CLDN14: variants seen among roughly 807,000 people sequenced by gnomAD.
CLDN14 encodes claudin-14.
CLDN14 carries 2 observed loss-of-function variants against 2.1 expected under a neutral mutation model. The observed-to-expected ratio is 0.96, with a 90% confidence interval of 0.39 to 3.01. CLDN14 has a LOEUF of 3.01. Ranked by LOEUF, CLDN14 falls within the 30% of genes most tolerant of loss-of-function variation. The pLI is 0.09. For missense variants in CLDN14, 298 were observed against 328.0 expected, an observed-to-expected ratio of 0.91 and a Z score of 0.71; for synonymous variants, 136 against 154.4, an observed-to-expected ratio of 0.88 and a Z score of 0.88.
intron 1 of CLDN14, among the ~76,000 whole-genome samples, chr21:36,527,092 C>A (rs2146498160): frequency 6.6e-6 from 1 of 152,346 alleles, no homozygotes; most frequent in South Asian, 2.1e-4. Flanking sequence ...TGAAGATTCA[C>A]AATAAATAGG....
At chr21:36,484,543 C>T (rs1206415350), upstream of CLDN14, among the ~76,000 whole-genome samples, 1 of 152,180 alleles carries the variant, frequency 6.6e-6, no homozygotes, top group Non-Finnish European at 1.5e-5. Context: ...TGGCCTCCTC[C>T]AGCTTCTGGT....
intron 2 of CLDN14, chr21:36,486,508 A>T (rs1438298437): frequency 1.3e-6 from 2 of 1,565,036 alleles, no homozygotes; most frequent in East Asian, 4.5e-5. Context: ...TGGCACCGAG[A>T]CCCAGCATGG....
In CLDN14 at chr21:36,518,464, A is replaced by T. The variant is rs556720237; in HGVS notation, c.-219-7964T>A. Among the ~76,000 whole-genome samples the T allele has an allele frequency of 3.3e-5, 5 of 151,974 alleles. No individual in the cohort carries two copies. The South Asian group carries it at 8.3e-4, about 25-fold the overall frequency. ...AAAATACAAAAATTAGCCAGGCATG[A>T]TGGCAGGTGCCTGTAATCCCAGCTA... On this transcript the variant is annotated intron_variant, in intron 1 of 2. Coordinates refer to the CLDN14 transcript ENST00000342108.
At chr21:36,568,264 A>G (rs1221831364) in intron 1 of CLDN14, among the ~76,000 whole-genome samples, 2 of 152,200 alleles carry the variant, frequency 1.3e-5, no homozygotes, top group Non-Finnish European at 2.9e-5. Flanking sequence ...TGTGACCTAC[A>G]TGGGATGCCC....
In CLDN14 at chr21:36,499,906, G is replaced by A. The variant is rs560733306; in HGVS notation, c.-82+10457C>T. Among the ~76,000 whole-genome samples the A allele has an allele frequency of 5.8e-4, 88 of 152,152 alleles. No individual in the cohort carries two copies. The highest frequency in any genetic ancestry group is 1.2e-3 in the East Asian group (6 of 5,176). On this transcript the variant is annotated intron_variant, in intron 2 of 2. Transcript: ENST00000342108. The surrounding 1 kb of genome is among the most constrained non-coding windows in gnomAD (Gnocchi z 4.7). ...TGGTGGAGAAAATCGGGGGGTCTCC[G>A]GAGCAACCCCGGGAGCAGTACTGGG...
At chr21:36,567,090 C>G (rs566801623) in intron 1 of CLDN14, among the ~76,000 whole-genome samples, 2 of 152,214 alleles carry the variant, frequency 1.3e-5, no homozygotes, top group African/African-American at 4.8e-5. Context: ...GCATCAAGTA[C>G]GTAATACCTC....
chr21:36,478,550 C>G (rs1277916766), intron 1 of CLDN14, among the ~76,000 whole-genome samples: 2 of 152,250 alleles, frequency 1.3e-5, no homozygotes, highest in Non-Finnish European at 1.5e-5. Flanking sequence ...GTCCCCAACT[C>G]CAGTGAGTGA....
intron 1 of CLDN14, among the ~76,000 whole-genome samples, chr21:36,549,629 A>G (rs968692040): frequency 3.3e-5 from 5 of 152,232 alleles, no homozygotes; most frequent in African/African-American, 1.2e-4. Context: ...AGGCTCAGCC[A>G]GAGAGCAGCA....
At chr21:36,535,724 A>AAAAAT (rs2087418851) in intron 1 of CLDN14, among the ~76,000 whole-genome samples, 1 of 152,164 alleles carries the variant, frequency 6.6e-6, no homozygotes, top group African/African-American at 2.4e-5. Flanking sequence ...GAGTGGTGAG[A>AAAAAT]TCATGGGGAA....
chr21:36,550,100 C>G (rs1367220827), intron 1 of CLDN14, among the ~76,000 whole-genome samples: 2 of 152,156 alleles, frequency 1.3e-5, no homozygotes, highest in Admixed American at 1.3e-4. Flanking sequence ...TTGAAGGCTG[C>G]CTTTTAGAAT....
chr21:36,502,011 C>T (rs2087096009), intron 2 of CLDN14, among the ~76,000 whole-genome samples: 2 of 151,626 alleles, frequency 1.3e-5, no homozygotes, highest in South Asian at 4.2e-4. Context: ...ACCCTGCACA[C>T]TAGTTTGTAG....
At chr21:36,522,822 C>T (rs745998939) in intron 1 of CLDN14, among the ~76,000 whole-genome samples, 2 of 152,104 alleles carry the variant, frequency 1.3e-5, no homozygotes, top group African/African-American at 2.4e-5. Flanking sequence ...TAATTATCCG[C>T]TGGGTCTCGG....
intron 1 of CLDN14, among the ~76,000 whole-genome samples, chr21:36,524,877 C>G (rs552519082): frequency 7.3e-4 from 111 of 152,348 alleles, no homozygotes; most frequent in African/African-American, 2.6e-3. Context: ...CTTTTCTCAG[C>G]TCCTTCTAGC....
chr21:36,516,014 C>T (rs183775040), intron 1 of CLDN14, among the ~76,000 whole-genome samples: 1 of 152,092 alleles, frequency 6.6e-6, no homozygotes, highest in African/African-American at 2.4e-5. Flanking sequence ...TCTCGAACTC[C>T]TGACCTCAGG....
intron 1 of CLDN14, among the ~76,000 whole-genome samples, chr21:36,566,612 C>T (rs2087674531): frequency 6.6e-6 from 1 of 152,226 alleles, no homozygotes; most frequent in Non-Finnish European, 1.5e-5. Flanking sequence ...TGAGATGCTT[C>T]TTGCAGCTGC....
At chr21:36,561,966 T>A (rs1022634048) in intron 1 of CLDN14, among the ~76,000 whole-genome samples, 15 of 152,216 alleles carry the variant, frequency 9.9e-5, no homozygotes, top group African/African-American at 3.1e-4. Context: ...AAGACTCTTG[T>A]TTTGCTGCAA....
chr21:36,530,304 C>CG (rs1185346028), intron 1 of CLDN14, among the ~76,000 whole-genome samples: 3 of 81,142 alleles, frequency 3.7e-5, no homozygotes, highest in East Asian at 3.4e-4. Context: ...GGGACAGTGG[C>CG]GGGGGGTGGG....
intron 1 of CLDN14, among the ~76,000 whole-genome samples, chr21:36,521,125 G>T (rs2087266279): frequency 6.6e-6 from 1 of 152,142 alleles, no homozygotes; most frequent in Admixed American, 6.5e-5. Context: ...GAGTATCAAA[G>T]ATTTAAAAAT....
At chr21:36,492,041 C>T (rs1034459790) in intron 2 of CLDN14, among the ~76,000 whole-genome samples, 11 of 152,258 alleles carry the variant, frequency 7.2e-5, no homozygotes, top group African/African-American at 1.4e-4. Flanking sequence ...CGGTGGCTCA[C>T]GCCTGTAATC....
Sources: gnomAD v4.1 joint callset for allele counts (sites outside exome capture counted in the v4.1 genomes callset) on GRCh38, gnomAD v4.1.1 for gene constraint, Gnocchi (gnomAD v3.1) non-coding constraint, MANE v1.5 for transcripts, NCBI Gene and HGNC (gene_info 2026-07-23, HGNC 2026-07-21) for gene names.